Variants in AGMO observed in about 807,000 individuals in gnomAD.
AGMO encodes the protein alkylglycerol monooxygenase.
In AGMO, 75 loss-of-function variants were observed where a neutral mutation model predicts 60.2. The observed-to-expected ratio is 1.25, with a 90% CI of 1.03 to 1.51. The LOEUF (loss-of-function observed/expected upper bound fraction) is 1.51, where lower values mean the gene tolerates loss of function less well. Among genes scored for constraint, AGMO ranks in the 40% most tolerant of loss-of-function variants. AGMO has a pLI of 0.00. For synonymous variants in AGMO, 261 were observed against 177.1 expected, an observed-to-expected ratio of 1.47 and a Z score of -3.76; for missense variants, 763 against 525.5, an observed-to-expected ratio of 1.45 and a Z score of -4.42.
At chr7:15,270,069 G>C (rs913727118) in intron 12 of AGMO, among the ~76,000 whole-genome samples, 6 of 151,956 alleles carry the variant, frequency 3.9e-5, no homozygotes, top group African/African-American at 1.4e-4. Flanking sequence ...CCGCAAAAAA[G>C]ATATAAATGC....
At chr7:15,513,948 C>T (rs899382988) in intron 3 of AGMO, among the ~76,000 whole-genome samples, 9 of 152,162 alleles carry the variant, frequency 5.9e-5, no homozygotes, top group Admixed American at 5.9e-4. Flanking sequence ...CCCCCAAACA[C>T]TAAATAATGG....
chr7:15,325,983 A>C (rs1186903467), intron 12 of AGMO, among the ~76,000 whole-genome samples: 1 of 152,162 alleles, frequency 6.6e-6, no homozygotes, highest in Non-Finnish European at 1.5e-5. Context: ...AAAAAAGTTT[A>C]TAAATGAGCA....
intron 3 of AGMO, among the ~76,000 whole-genome samples, chr7:15,448,617 T>TA (rs1781770643): frequency 6.6e-6 from 1 of 151,594 alleles, no homozygotes; most frequent in Admixed American, 6.6e-5. Context: ...TTTAATTTTT[T>TA]TTTTTTTTTT....
At chr7:15,220,890 T>A (rs1394660650) in intron 12 of AGMO, among the ~76,000 whole-genome samples, 1 of 152,066 alleles carries the variant, frequency 6.6e-6, no homozygotes, top group Non-Finnish European at 1.5e-5. Context: ...ATAAAGTGGG[T>A]GTTCAAAGAG....
downstream of AGMO, among the ~76,000 whole-genome samples, chr7:15,199,320 G>C (rs914009102): frequency 1.3e-5 from 2 of 152,132 alleles, no homozygotes; most frequent in African/African-American, 4.8e-5. Context: ...AGAGAGAAGA[G>C]AGAGAATAGA....
At chr7:15,152,303 G>A in the AGMO span, among the ~76,000 whole-genome samples, 2 of 152,042 alleles carry the variant, frequency 1.3e-5, no homozygotes, top group Non-Finnish European at 1.5e-5. Flanking sequence ...CAAACTGTAA[G>A]CAGTTCAGGG....
intron 12 of AGMO, among the ~76,000 whole-genome samples, chr7:15,252,281 G>A (rs925800908): frequency 6.6e-6 from 1 of 152,198 alleles, no homozygotes; most frequent in African/African-American, 2.4e-5. Flanking sequence ...GTGGTCAAGT[G>A]TGATGGGAAA....
intron 3 of AGMO, among the ~76,000 whole-genome samples, chr7:15,512,866 G>A (rs890961100): frequency 6.6e-6 from 1 of 150,536 alleles, no homozygotes; most frequent in African/African-American, 2.4e-5. Context: ...ACTATATTTT[G>A]TATAGTTTCT....
intron 3 of AGMO, among the ~76,000 whole-genome samples, chr7:15,449,090 C>A (rs986223314): frequency 6.6e-6 from 1 of 152,018 alleles, no homozygotes; most frequent in Admixed American, 6.6e-5. Flanking sequence ...ATAAGTAATG[C>A]AAAGTTTGTT....
the AGMO span, among the ~76,000 whole-genome samples, chr7:15,142,668 G>T: frequency 2.0e-5 from 3 of 152,120 alleles, no homozygotes; most frequent in Admixed American, 2.0e-4. Context: ...TATGTGTCCT[G>T]TAAGTGGCTT....
At chr7:15,413,145 G>C (rs1049448803) in intron 5 of AGMO, among the ~76,000 whole-genome samples, 3 of 152,012 alleles carry the variant, frequency 2.0e-5, no homozygotes, top group Non-Finnish European at 4.4e-5. Flanking sequence ...GAGAAAAACT[G>C]TTTATTTAAA....
chr7:15,182,678 A>G, the AGMO span, among the ~76,000 whole-genome samples: 3 of 152,114 alleles, frequency 2.0e-5, no homozygotes, highest in African/African-American at 7.2e-5. Flanking sequence ...TTGCCTCCCA[A>G]AGTGCTGCGA....
intron 12 of AGMO, among the ~76,000 whole-genome samples, chr7:15,314,829 C>G (rs1393321828): frequency 6.6e-6 from 1 of 151,704 alleles, no homozygotes; most frequent in Non-Finnish European, 1.5e-5. Context: ...ATCAACTGAG[C>G]CATCAAAAAC....
chr7:15,341,431 C>A (rs531568932), intron 12 of AGMO, among the ~76,000 whole-genome samples: 2 of 152,144 alleles, frequency 1.3e-5, no homozygotes, highest in Non-Finnish European at 2.9e-5. Flanking sequence ...CCAAGAAGTT[C>A]CTCATCTCTA....
At chr7:15,478,523 A>G (rs1476777153) in intron 3 of AGMO, among the ~76,000 whole-genome samples, 1 of 152,188 alleles carries the variant, frequency 6.6e-6, no homozygotes, top group Non-Finnish European at 1.5e-5. Flanking sequence ...AGGAGAGTCC[A>G]GCATGTGCTC....
intron 12 of AGMO, among the ~76,000 whole-genome samples, chr7:15,273,793 T>C (rs899143095): frequency 1.3e-5 from 2 of 152,196 alleles, no homozygotes; most frequent in Non-Finnish European, 2.9e-5. Flanking sequence ...CCTCTTTTAT[T>C]TTGTTGAGCA....
At chr7:15,381,253 T>C (rs181134667) in intron 10 of AGMO, among the ~76,000 whole-genome samples, 17 of 152,212 alleles carry the variant, frequency 1.1e-4, no homozygotes, top group African/African-American at 3.9e-4. Flanking sequence ...ACCTACAGAA[T>C]GGGAGAAAAG....
At chr7:15,121,243 C>A in the AGMO span, among the ~76,000 whole-genome samples, 1 of 152,068 alleles carries the variant, frequency 6.6e-6, no homozygotes, top group Non-Finnish European at 1.5e-5. Context: ...TGGGTTGGTT[C>A]CAAGTCTTTG....
At chr7:15,188,131 A>G in the AGMO span, among the ~76,000 whole-genome samples, 2 of 152,124 alleles carry the variant, frequency 1.3e-5, no homozygotes, top group Non-Finnish European at 2.9e-5. Flanking sequence ...GGTCAAACAG[A>G]GGTTCACGAA....
Sources: allele counts gnomAD v4.1 joint callset (sites outside exome capture counted in the v4.1 genomes callset), GRCh38; gene constraint gnomAD v4.1.1; transcripts MANE v1.5; gene names NCBI Gene and HGNC (gene_info 2026-07-23, HGNC 2026-07-21).